CASS4: variants seen among roughly 807,000 people sequenced by gnomAD.
The protein encoded by CASS4 is cas scaffolding protein family member 4.
A neutral mutation model predicts 54.2 loss-of-function variants in CASS4; 22 were observed. That is an observed-to-expected ratio of 0.41 (90% CI 0.29 to 0.58). The LOEUF (loss-of-function observed/expected upper bound fraction) is 0.58, where lower values mean the gene tolerates loss of function less well. CASS4 is among the 20% of genes least tolerant of loss of function. The pLI, the probability that CASS4 is intolerant of heterozygous loss-of-function variation, is 0.36. For synonymous variants in CASS4, 409 were observed against 391.5 expected (o/e 1.04, Z -0.53); for missense variants, 854 against 986.7 (o/e 0.87, Z 1.80).
rs772124079 is a variant in CASS4 at position 56,412,464 on chromosome 20, G to A, written c.6G>A (p.Lys2=). The change falls in exon 1 of 6, where the codon AAG becomes AAA. Residue 2 remains lysine, a synonymous_variant. Coordinates refer to ENST00000679887, the MANE Select transcript of CASS4 (RefSeq NM_020356.4). This position sits in a 1 kb window ranked among gnomAD's most constrained non-coding sequence, Gnocchi z 4.2. M[K]GTGIMDCAPK... Reference sequence around the variant, plus strand: ...AGCTGCTCCACATCACCGACATGAAGGGAACAGGCATCATGGACTGTGCGC... The same window carrying A: ...AGCTGCTCCACATCACCGACATGAAAGGAACAGGCATCATGGACTGTGCGC... The A allele has an allele frequency of 1.9e-6, 3 of 1,612,814 alleles. No homozygotes were observed. In the Admixed American group the frequency reaches 5.0e-5, roughly 27 times the overall value.
At chr20:56,426,025 A>C (rs535399670) in intron 1 of CASS4, among the ~76,000 whole-genome samples, 2 of 152,212 alleles carry the variant, frequency 1.3e-5, no homozygotes, top group African/African-American at 4.8e-5. Flanking sequence ...GTACTCCATT[A>C]TACAAATGTC....
chr20:56,437,305 C>A lies in CASS4; in HGVS notation c.178C>A (p.Gln60Lys). ...GTGGAAGTGTTTGCTCCATGGGAGG[C>A]AAGGCCTGGCCCCTGCCAACCGCCT... Reference protein sequence around the residue: ...GWWKCLLHGRQGLAPANRLQI... With the variant: ...GWWKCLLHGRKGLAPANRLQI... Residue 60 changes from glutamine (Q) to lysine (K), a missense_variant, in exon 2 of 6, where the codon CAA (glutamine) becomes AAA (lysine). Gln to Lys is a moderately conservative substitution (Grantham distance 53, BLOSUM62 1). Transcript: ENST00000679887. The surrounding 1 kb of genome is among the most constrained non-coding windows in gnomAD (Gnocchi z 4.7). The A allele has an allele frequency of 6.2e-7, 1 of 1,614,098 alleles. No individual in the cohort carries two copies. The highest frequency in any genetic ancestry group is 8.5e-7 in the Non-Finnish European group (1 of 1,179,972).
Position 56,414,235 on chromosome 20 carries a change from TTGTG to T in CASS4, c.36+1749_36+1752del, listed in dbSNP as rs1979022521. Among the ~76,000 whole-genome samples the T allele has an allele frequency of 6.6e-6, 1 of 152,180 alleles. No individual in the cohort carries two copies. Among genetic ancestry groups the T allele is most frequent in the South Asian group, 2.1e-4 (1 of 4,832 alleles). On this transcript the variant is annotated intron_variant, in intron 1 of 5. Transcript: ENST00000679887. This position sits in a 1 kb window ranked among gnomAD's most constrained non-coding sequence, Gnocchi z 4.1. ...TTTTAGCTTTTCTGGCTGTTGTTGTTTGTGTGTGTGTTTGTCTTTCTGATCCAGG... is the reference window on the plus strand; with the variant it reads ...TTTTAGCTTTTCTGGCTGTTGTTGTTTGTGTGTTTGTCTTTCTGATCCAGG...
chr20:56,427,967 C>A (rs1979722260), intron 1 of CASS4, among the ~76,000 whole-genome samples: 5 of 152,160 alleles, frequency 3.3e-5, no homozygotes, highest in Admixed American at 2.6e-4. Context: ...CATCTTTGTA[C>A]AGAGCAGGGG....
At chr20:56,424,846 A>G (rs1342121432) in intron 1 of CASS4, among the ~76,000 whole-genome samples, 2 of 151,922 alleles carry the variant, frequency 1.3e-5, no homozygotes, top group African/African-American at 2.4e-5. Flanking sequence ...GCTGGCAAAA[A>G]TGGAGGGAGG....
rs368082221 is a variant in CASS4, at chr20:56,437,275, G to T, written c.148G>T (p.Gly50Cys). The T allele has an allele frequency of 1.2e-6, 2 of 1,614,024 alleles. No homozygotes were observed. Residue 50 changes from glycine (G) to cysteine (C), a missense_variant, in exon 2 of 6, where the codon GGT becomes TGT. Physicochemically the swap from Gly to Cys is radical, Grantham distance 159. Transcript: ENST00000679887. The surrounding 1 kb of genome is among the most constrained non-coding windows in gnomAD (Gnocchi z 4.7). Reference protein sequence around the residue: ...ILEQHVPESEGWWKCLLHGRQ... With the variant: ...ILEQHVPESECWWKCLLHGRQ... ...GGAGCAACACGTGCCAGAAAGCGAG[G>T]GTTGGTGGAAGTGTTTGCTCCATGG...
intron 3 of CASS4, among the ~76,000 whole-genome samples, chr20:56,448,665 TTCTC>T (rs927326456): frequency 1.3e-5 from 2 of 152,214 alleles, no homozygotes; most frequent in Admixed American, 1.3e-4. Context: ...ATCCAACTCT[TTCTC>T]TCTTTCTTTG....
At chr20:56,429,862 T>C (rs1342837064) in intron 1 of CASS4, among the ~76,000 whole-genome samples, 7 of 152,208 alleles carry the variant, frequency 4.6e-5, no homozygotes, top group Non-Finnish European at 8.8e-5. Flanking sequence ...TATTTTTTCA[T>C]AACTTCCTGT....
intron 3 of CASS4, among the ~76,000 whole-genome samples, chr20:56,448,497 G>A (rs1426110446): frequency 2.0e-5 from 3 of 151,988 alleles, no homozygotes; most frequent in Non-Finnish European, 4.4e-5. Flanking sequence ...AAGCTCAGGG[G>A]ATACAACTCA....
intron 1 of CASS4, among the ~76,000 whole-genome samples, chr20:56,433,793 C>T (rs1261712738): frequency 6.6e-6 from 1 of 152,162 alleles, no homozygotes; most frequent in Non-Finnish European, 1.5e-5. Context: ...TTCTGCTTCA[C>T]CATGGAGAAG....
chr20:56,454,570 G>A (rs1395988939), intron 5 of CASS4, among the ~76,000 whole-genome samples: 1 of 152,184 alleles, frequency 6.6e-6, no homozygotes, highest in Non-Finnish European at 1.5e-5. Flanking sequence ...ATATGAGAAA[G>A]AATGCTCAAG....
At chr20:56,445,486 A>C (rs1340545296) in intron 2 of CASS4, among the ~76,000 whole-genome samples, 2 of 152,206 alleles carry the variant, frequency 1.3e-5, no homozygotes, top group Non-Finnish European at 2.9e-5. Flanking sequence ...AGCTAGATGA[A>C]TGTAGACGAA....
chr20:56,414,678 C>T lies in CASS4; in HGVS notation c.36+2184C>T, dbSNP rs755706125. Among the ~76,000 whole-genome samples the T allele has an allele frequency of 2.0e-5, 3 of 152,076 alleles. No homozygotes were observed. Among genetic ancestry groups the T allele is most frequent in the Non-Finnish European group, 4.4e-5 (3 of 68,018 alleles). ...TAATATTATACAGATAGGCCGGGAG[C>T]GGTGGCTCATGCCTGTAATCCCACC... On this transcript the variant is annotated intron_variant, in intron 1 of 5. Coordinates refer to ENST00000679887, the MANE Select transcript of CASS4 (RefSeq NM_020356.4). This position sits in a 1 kb window ranked among gnomAD's most constrained non-coding sequence, Gnocchi z 4.1.
intron 1 of CASS4, among the ~76,000 whole-genome samples, chr20:56,415,750 A>G (rs1347768284): frequency 6.6e-6 from 1 of 152,148 alleles, no homozygotes; most frequent in African/African-American, 2.4e-5. Flanking sequence ...GCCTTTGTAC[A>G]TCGTATGGTA....
At chr20:56,415,022 T>C (rs1352257159) in intron 1 of CASS4, among the ~76,000 whole-genome samples, 1 of 152,190 alleles carries the variant, frequency 6.6e-6, no homozygotes, top group Non-Finnish European at 1.5e-5. Context: ...AAACGAGGCC[T>C]CGCTGACTTG....
In CASS4 at chr20:56,412,278, C is replaced by A; in HGVS notation, c.-181C>A. On this transcript the variant is annotated 5_prime_UTR_variant, in exon 1 of 6. Coordinates refer to ENST00000679887, the MANE Select transcript of CASS4 (RefSeq NM_020356.4). This position sits in a 1 kb window ranked among gnomAD's most constrained non-coding sequence, Gnocchi z 4.2. ...CTGCTTTCATTTTACTCTTATCGTG[C>A]TTTCCAGAAAGTTTGCCTGCTGGGA... 1.5e-6 allele frequency: 1 copy of A among 665,464 alleles called. No individual in the cohort carries two copies. 41.2% of individuals were successfully genotyped at this position (665,464 alleles called of 1,614,324 possible). A position where few individuals can be genotyped will look rare whatever the true frequency, so the allele number is the denominator to read the frequency against.
At chr20:56,449,053 A>G (rs1980864769) in intron 3 of CASS4, among the ~76,000 whole-genome samples, 3 of 152,236 alleles carry the variant, frequency 2.0e-5, no homozygotes, top group African/African-American at 7.2e-5. Context: ...CAGTGTGGTG[A>G]TTCCTCAAGG....
intron 1 of CASS4, among the ~76,000 whole-genome samples, chr20:56,419,974 C>G (rs1369574996): frequency 6.6e-6 from 1 of 152,040 alleles, no homozygotes; most frequent in Admixed American, 6.5e-5. Context: ...ACCCAGGAGG[C>G]GGAGGTTGTG....
intron 5 of CASS4, among the ~76,000 whole-genome samples, chr20:56,454,383 C>T (rs558741226): frequency 1.3e-4 from 20 of 152,158 alleles, no homozygotes; most frequent in Non-Finnish European, 1.8e-4. Context: ...GGTGTAGGAG[C>T]TTTAACATGT....
Sources: gnomAD v4.1 joint callset for allele counts (sites outside exome capture counted in the v4.1 genomes callset) on GRCh38, gnomAD v4.1.1 for gene constraint, Gnocchi (gnomAD v3.1) non-coding constraint, MANE v1.5 for transcripts, NCBI Gene and HGNC (gene_info 2026-07-23, HGNC 2026-07-21) for gene names.